Variants in GEM observed in about 807,000 individuals in gnomAD.
GEM encodes GTP binding protein overexpressed in skeletal muscle.
Under a neutral mutation model 33.0 loss-of-function variants are expected in GEM, and 31 were observed. The observed-to-expected ratio is 0.94, with a 90% confidence interval of 0.71 to 1.27. The LOEUF is 1.27. Ranked by LOEUF, GEM falls within the 50% of genes most tolerant of loss-of-function variation. The pLI, the probability that GEM is intolerant of heterozygous loss-of-function variation, is 0.00. For missense variants in GEM, 354 were observed against 390.5 expected (o/e 0.91, Z 0.79); for synonymous variants, 141 against 143.7 (o/e 0.98, Z 0.13).
chr8:94,259,907 G>C, intron 2 of GEM: 1 of 393,244 alleles, frequency 2.5e-6, no homozygotes, highest in Non-Finnish European at 4.6e-6. Flanking sequence ...TCTCTAATCA[G>C]CCTTCCCCAA....
intron 2 of GEM, among the ~76,000 whole-genome samples, chr8:94,256,167 C>G (rs577046867): frequency 6.6e-6 from 1 of 152,020 alleles, no homozygotes; most frequent in Non-Finnish European, 1.5e-5. Context: ...TCCCCCTAAC[C>G]TTGACGTCTC....
At chr8:94,262,003 AG>A (rs1464004041) in intron 1 of GEM, 86 bp downstream of exon 1, 1 of 152,230 alleles carries the variant, frequency 6.6e-6, no homozygotes, top group African/African-American at 2.4e-5. Flanking sequence ...CTCGATCTGT[AG>A]AGGGAGGTGA....
intron 2 of GEM, among the ~76,000 whole-genome samples, chr8:94,258,071 T>C (rs1808934505): frequency 6.6e-6 from 1 of 152,012 alleles, no homozygotes; most frequent in Non-Finnish European, 1.5e-5. Flanking sequence ...CCCAATGTGC[T>C]GTCATATTGG....
At chr8:94,251,758 G>C (rs1478406836) in intron 4 of GEM, among the ~76,000 whole-genome samples, 1 of 152,078 alleles carries the variant, frequency 6.6e-6, no homozygotes, top group East Asian at 1.9e-4. Context: ...TCATTTCCCT[G>C]TACTCTTGGG....
intron 2 of GEM, among the ~76,000 whole-genome samples, chr8:94,255,382 G>A (rs190922528): frequency 2.6e-5 from 4 of 152,104 alleles, no homozygotes; most frequent in South Asian, 2.1e-4. Context: ...TGAAAATTAC[G>A]GTGTTGGAGG....
Position 94,252,014 on chromosome 8 carries a change from C to G in GEM, c.613+5G>C. The G allele has an allele frequency of 6.2e-7, 1 of 1,607,644 alleles. No individual in the cohort carries two copies. The highest frequency in any genetic ancestry group is 8.5e-7 in the Non-Finnish European group (1 of 1,174,054). On this transcript the variant is annotated splice_donor_5th_base_variant and intron_variant, in intron 4 of 4. Transcript: ENST00000297596. ...TTTCTACAGTATTGGCTCTGCTCCT[C>G]TTACCTGATACAGACACTTCTCGGC...
chr8:94,252,012 C>T lies in GEM; in HGVS notation c.613+7G>A. The T allele has an allele frequency of 6.2e-7, 1 of 1,605,664 alleles. No homozygotes were observed. Among genetic ancestry groups the T allele is most frequent in the Non-Finnish European group, 8.5e-7 (1 of 1,172,276 alleles). On this transcript the variant is annotated splice_region_variant and intron_variant, in intron 4 of 4. Coordinates refer to ENST00000297596, the MANE Select transcript of GEM (RefSeq NM_005261.4). ...TGTTTCTACAGTATTGGCTCTGCTC[C>T]TCTTACCTGATACAGACACTTCTCG...
In GEM at chr8:94,252,101, C is replaced by T; in HGVS notation, c.531G>A (p.Arg177=). ...KASELRIQLR[R]ARQTEDIPII... ...TGGGAATGTCCTCTGTCTGCCGGGC[C>T]CTGCGGAGCTGGATTCGCAGCTCAG... The change falls in exon 4 of 5, where the codon AGG becomes AGA. Residue 177 remains arginine, a synonymous_variant. Transcript: ENST00000297596. 1.9e-6 allele frequency: 3 copies of T among 1,614,128 alleles called. No homozygotes were observed. The highest frequency in any genetic ancestry group is 1.3e-5 in the African/African-American group (1 of 75,028).
Position 94,258,998 on chromosome 8 carries a change from C to T in GEM, c.331+1175G>A, listed in dbSNP as rs114100558. 3.1e-3 allele frequency among the ~76,000 whole-genome samples: 474 copies of T among 152,348 alleles called. 1 individual carries two copies. The highest frequency in any genetic ancestry group is 0.011 in the African/African-American group (461 of 41,586). ...CCTTCCTCCCGTTTCTCTTTCCTAG[C>T]AAGTCACCTGGCAGCCTTTACAAAG... On this transcript the variant is annotated intron_variant, in intron 2 of 4. Transcript: ENST00000297596.
At position 94,252,066 on chromosome 8, in the gene GEM, A is replaced by G; in HGVS notation, c.566T>C (p.Val189Ala). The change falls in exon 4 of 5, where the codon GTT becomes GCT. Residue 189 changes from valine (V) to alanine (A), a missense_variant. Physicochemically the swap from Val to Ala is moderately conservative, Grantham distance 64 (BLOSUM62 0). Transcript: ENST00000297596. ...RQTEDIPIIL[V>A]GNKSDLVRCR... ...CCGCACTAAGTCACTTTTGTTGCCA[A>G]CCAAAATTATGGGAATGTCCTCTGT... 2.5e-6 allele frequency: 4 copies of G among 1,614,186 alleles called. No homozygotes were observed. In the South Asian group the frequency reaches 4.4e-5, roughly 18 times the overall value.
At chr8:94,259,855 T>A (rs1263376076) in intron 2 of GEM, 3 of 257,334 alleles carry the variant, frequency 1.2e-5, no homozygotes, top group Non-Finnish European at 2.2e-5. Flanking sequence ...CAAGTCAGAG[T>A]CAGCAGAAGT....
intron 3 of GEM, 122 bp from the exon 4 acceptor site, chr8:94,252,345 A>G: frequency 1.5e-6 from 1 of 685,042 alleles, no homozygotes; most frequent in South Asian, 1.8e-5. Flanking sequence ...AGGAAAAAGG[A>G]AGAAAATCGC....
intron 2 of GEM, among the ~76,000 whole-genome samples, chr8:94,253,783 T>G (rs181054639): frequency 1.6e-3 from 245 of 152,308 alleles, no homozygotes; most frequent in African/African-American, 5.2e-3. Context: ...AGCCCAGATC[T>G]TGTGTAGGTG....
rs1808726146 is a variant in GEM at position 94,250,089 on chromosome 8, G to A, written c.*221C>T. Reference sequence around the variant, plus strand: ...ACACATCCTCTAAAGAGTCTTGGGTGTTCAAATAGCAAGGTCAGGCTTTTC... The same window carrying A: ...ACACATCCTCTAAAGAGTCTTGGGTATTCAAATAGCAAGGTCAGGCTTTTC... On this transcript the variant is annotated 3_prime_UTR_variant, in exon 5 of 5. Transcript: ENST00000297596. The A allele has an allele frequency of 8.9e-6, 5 of 561,488 alleles. No homozygotes were observed. The highest frequency in any genetic ancestry group is 1.6e-5 in the Non-Finnish European group (5 of 319,276). 34.8% of individuals were successfully genotyped at this position (561,488 alleles called of 1,614,324 possible).
chr8:94,252,215 ATTTTCCCCC>A lies in GEM; in HGVS notation c.409-1_416del. On this transcript the variant is annotated splice_acceptor_variant and coding_sequence_variant, in exon 4 of 5. Transcript: ENST00000297596. LOFTEE classifies it high-confidence loss of function. ...GCATGCAGTGGTCATGGAGCCATTCATTTTCCCCCTAATGAAACAATAAGATCTTCTGTG... is the reference window on the plus strand; with the variant it reads ...GCATGCAGTGGTCATGGAGCCATTCATAATGAAACAATAAGATCTTCTGTG... 1 of 1,605,476 alleles carries A rather than the reference ATTTTCCCCC, an allele frequency of 6.2e-7. No individual in the cohort carries two copies. Among genetic ancestry groups the A allele is most frequent in the Non-Finnish European group, 8.5e-7 (1 of 1,173,394 alleles).
At chr8:94,261,834 C>G (rs1316152661) in intron 1 of GEM, among the ~76,000 whole-genome samples, 1 of 152,120 alleles carries the variant, frequency 6.6e-6, no homozygotes, top group East Asian at 1.9e-4. Context: ...CACAAACACT[C>G]CTCTCCCACC....
At chr8:94,255,461 C>A (rs952634719) in intron 2 of GEM, among the ~76,000 whole-genome samples, 51 of 152,142 alleles carry the variant, frequency 3.4e-4, no homozygotes, top group African/African-American at 1.1e-3. Flanking sequence ...CCCCCCACCC[C>A]AGTACATGAG....
chr8:94,260,463 C>G lies in GEM; in HGVS notation c.41G>C (p.Gly14Ala). The G allele has an allele frequency of 1.9e-6, 3 of 1,611,230 alleles. No individual in the cohort carries two copies. The highest frequency in any genetic ancestry group is 2.5e-6 in the Non-Finnish European group (3 of 1,177,962). Residue 14 changes from glycine (G) to alanine (A), a missense_variant, in exon 2 of 5, where the codon GGC becomes GCC. Physicochemically the swap from Gly to Ala is moderately conservative, Grantham distance 60. Coordinates refer to ENST00000297596, the MANE Select transcript of GEM (RefSeq NM_005261.4). ...CCAGCGCTGCTGCTGTGGCTGCATG[C>G]CCACAGTGCCCTGGCGCATGGTGAC... is the stretch of plus-strand genomic sequence containing the variant. ...NNVTMRQGTVGMQPQQQRWSI... is the reference protein window; with the variant it reads ...NNVTMRQGTVAMQPQQQRWSI...
At chr8:94,257,370 T>C (rs1162218598) in intron 2 of GEM, among the ~76,000 whole-genome samples, 4 of 151,814 alleles carry the variant, frequency 2.6e-5, no homozygotes, top group African/African-American at 4.8e-5. Context: ...TTAGTAGAGA[T>C]GGGGTTTTAC....
Sources: allele counts gnomAD v4.1 joint callset (sites outside exome capture counted in the v4.1 genomes callset), GRCh38; gene constraint gnomAD v4.1.1; transcripts MANE v1.5; gene names NCBI Gene and HGNC (gene_info 2026-07-23, HGNC 2026-07-21).